RPH3AL: variants seen among roughly 807,000 people sequenced by gnomAD.
The protein encoded by RPH3AL is rabphilin 3A like (without C2 domains).
RPH3AL carries 38 observed loss-of-function variants against 43.1 expected under a neutral mutation model. The observed-to-expected ratio is 0.88, with a 90% CI of 0.68 to 1.15. The LOEUF (loss-of-function observed/expected upper bound fraction) is 1.15, where lower values mean the gene tolerates loss of function less well. RPH3AL is among the 50% of genes most tolerant of loss of function. The pLI is 0.00. For missense variants in RPH3AL, 462 were observed against 423.2 expected (o/e 1.09, Z -0.81); for synonymous variants, 189 against 176.3 (o/e 1.07, Z -0.57).
At chr17:278,311 T>G (rs1269479902) in intron 6 of RPH3AL, among the ~76,000 whole-genome samples, 2 of 152,162 alleles carry the variant, frequency 1.3e-5, no homozygotes, top group Non-Finnish European at 2.9e-5. Context: ...TTGTGAGGCC[T>G]CCCCAGCCAT....
chr17:229,851 G>A (rs1177044096), intron 7 of RPH3AL, among the ~76,000 whole-genome samples: 2 of 152,208 alleles, frequency 1.3e-5, no homozygotes, highest in Non-Finnish European at 2.9e-5. Context: ...GGGGCTCTGA[G>A]GCCCAGAGGG....
At chr17:330,037 T>C (rs1461935323) in intron 2 of RPH3AL, among the ~76,000 whole-genome samples, 4 of 152,228 alleles carry the variant, frequency 2.6e-5, no homozygotes, top group East Asian at 1.9e-4. Flanking sequence ...ACTTTTGACC[T>C]GTGGATCTCC....
intron 5 of RPH3AL, among the ~76,000 whole-genome samples, chr17:312,690 C>T (rs1296465128): frequency 6.6e-6 from 1 of 152,224 alleles, no homozygotes; most frequent in Non-Finnish European, 1.5e-5. Flanking sequence ...CTGCTAAGGG[C>T]TTCTCCTGCA....
intron 5 of RPH3AL, among the ~76,000 whole-genome samples, chr17:315,293 C>T (rs1598093422): frequency 1.3e-5 from 2 of 151,842 alleles, no homozygotes; most frequent in Non-Finnish European, 1.5e-5. Context: ...TGTGCCCCCA[C>T]CTCCAGTGAC....
intron 5 of RPH3AL, 110 bp downstream of exon 5, chr17:319,310 A>C (rs1299115501): frequency 1.5e-6 from 2 of 1,317,698 alleles, no homozygotes; most frequent in Non-Finnish European, 2.1e-6. Flanking sequence ...AGGATACCAC[A>C]TGCCCAACGC....
intron 6 of RPH3AL, among the ~76,000 whole-genome samples, chr17:253,355 C>T (rs1285934293): frequency 2.6e-5 from 4 of 152,148 alleles, no homozygotes; most frequent in African/African-American, 4.8e-5. Flanking sequence ...GGGGAAGAGA[C>T]TAAGACACCC....
At chr17:260,656 C>T (rs552315523) in intron 6 of RPH3AL, among the ~76,000 whole-genome samples, 144 of 152,274 alleles carry the variant, frequency 9.5e-4, no homozygotes, top group Non-Finnish European at 1.7e-3. Flanking sequence ...AAGGGTCAAC[C>T]CTCTCTGGCA....
At chr17:258,757 G>GTT (rs372761475) in intron 6 of RPH3AL, among the ~76,000 whole-genome samples, 1,273 of 98,686 alleles carry the variant, frequency 0.013, 104 homozygotes, top group Non-Finnish European at 0.018. Flanking sequence ...TAGTCAACCC[G>GTT]TTTTTTTTTT....
intron 5 of RPH3AL, among the ~76,000 whole-genome samples, chr17:292,646 C>T (rs1490455755): frequency 6.6e-6 from 1 of 152,170 alleles, no homozygotes; most frequent in Non-Finnish European, 1.5e-5. Context: ...CACACTCTTG[C>T]AGGCCCTCAT....
intron 5 of RPH3AL, among the ~76,000 whole-genome samples, chr17:305,672 T>C (rs2043467596): frequency 1.3e-5 from 2 of 152,062 alleles, no homozygotes; most frequent in African/African-American, 4.8e-5. Context: ...AGAAGACAGC[T>C]TCCCGGCCAC....
At position 259,742 on chromosome 17, in the gene RPH3AL, C is replaced by T. The variant is rs1452747868; in HGVS notation, c.439-12457G>A. Among the ~76,000 whole-genome samples the T allele has an allele frequency of 3.3e-5, 5 of 152,366 alleles. No individual in the cohort carries two copies. The Middle Eastern group carries it at 0.01, about 311-fold the overall frequency. ...GGCCGGGGTGTCCGGCAGCAGTAAA[C>T]GCTCCTGGTACCGCTGCTCGCCCTG... On this transcript the variant is annotated intron_variant, in intron 6 of 9. Transcript: ENST00000331302.
chr17:315,380 C>CT (rs2043958429), intron 5 of RPH3AL, among the ~76,000 whole-genome samples: 1 of 146,532 alleles, frequency 6.8e-6, no homozygotes, highest in African/African-American at 2.5e-5. Flanking sequence ...AGTCCCTGTG[C>CT]CCCACCTCCA....
intron 1 of RPH3AL, among the ~76,000 whole-genome samples, chr17:334,775 GTGGAGGGA>G (rs1199667422): frequency 3.5e-4 from 27 of 77,930 alleles, no homozygotes; most frequent in African/African-American, 1.0e-3. Flanking sequence ...CCCATCCACT[GTGGAGGGA>G]CAGGGACAAG....
intron 7 of RPH3AL, among the ~76,000 whole-genome samples, chr17:243,582 T>C (rs940658019): frequency 5.8e-5 from 8 of 137,792 alleles, no homozygotes; most frequent in East Asian, 4.3e-4. Context: ...CTGATTACCC[T>C]TCCTCTATTG....
intron 5 of RPH3AL, among the ~76,000 whole-genome samples, chr17:294,493 G>A (rs1193695631): frequency 6.6e-6 from 1 of 152,186 alleles, no homozygotes; most frequent in Non-Finnish European, 1.5e-5. Context: ...ACAGCATTAA[G>A]TCTGACCAGG....
In RPH3AL at chr17:283,561, A is replaced by G. The variant is rs1409491926; in HGVS notation, c.352-1707T>C. ...CCTTTCCAGCTCTCATGAAGGTCCT[A>G]GGCTTGGGGTGTTTGATGGCCCAGA... On this transcript the variant is annotated intron_variant, in intron 5 of 9. Transcript: ENST00000331302. This position sits in a 1 kb window ranked among gnomAD's most constrained non-coding sequence, Gnocchi z 4.2. 2.6e-5 allele frequency among the ~76,000 whole-genome samples: 4 copies of G among 152,074 alleles called. No individual in the cohort carries two copies. Among genetic ancestry groups the G allele is most frequent in the African/African-American group, 9.7e-5 (4 of 41,398 alleles).
intron 5 of RPH3AL, among the ~76,000 whole-genome samples, chr17:294,279 T>C (rs989045496): frequency 3.2e-4 from 42 of 132,586 alleles, no homozygotes; most frequent in Non-Finnish European, 5.4e-4. Context: ...CTGGGCAACA[T>C]AGCAAGACCC....
chr17:286,724 C>T (rs1403448880), intron 5 of RPH3AL, among the ~76,000 whole-genome samples: 1 of 152,208 alleles, frequency 6.6e-6, no homozygotes, highest in Non-Finnish European at 1.5e-5. Flanking sequence ...GGGGTGGCCA[C>T]TCACTTCCCT....
Position 213,538 on chromosome 17 carries a change from C to A in RPH3AL, c.*314G>T. On this transcript the variant is annotated 3_prime_UTR_variant, in exon 10 of 10. Coordinates refer to ENST00000331302, the MANE Select transcript of RPH3AL (RefSeq NM_006987.4). ...CCCTCTGACACTGCATGTGGGAAAC[C>A]CCCCAGCCCAACCCAAGACACGCGC... 1 of 474,748 alleles carries A rather than the reference C, an allele frequency of 2.1e-6. No homozygotes were observed. The highest frequency in any genetic ancestry group is 3.8e-6 in the Non-Finnish European group (1 of 260,146). 29.4% of individuals were successfully genotyped at this position (474,748 alleles called of 1,614,324 possible). A position where few individuals can be genotyped will look rare whatever the true frequency, so the allele number is the denominator to read the frequency against.
Sources: allele counts gnomAD v4.1 joint callset (sites outside exome capture counted in the v4.1 genomes callset), GRCh38; gene constraint gnomAD v4.1.1; non-coding constraint Gnocchi (gnomAD v3.1); transcripts MANE v1.5; gene names NCBI Gene and HGNC (gene_info 2026-07-23, HGNC 2026-07-21).